The following SLC39A10 variants were observed in gnomAD, a reference collection of about 807,000 sequenced individuals.
The protein encoded by SLC39A10 is solute carrier family 39 member 10.
Under a neutral mutation model 65.1 loss-of-function variants are expected in SLC39A10, and 13 were observed. The ratio of observed to expected loss-of-function variants is 0.20; its 90% CI spans 0.13 to 0.32. The LOEUF (loss-of-function observed/expected upper bound fraction) is 0.32, where lower values mean the gene tolerates loss of function less well. SLC39A10 is among the 10% of genes least tolerant of loss of function. The pLI, the probability that SLC39A10 is intolerant of heterozygous loss-of-function variation, is 1.00. For synonymous variants in SLC39A10, 321 were observed against 342.2 expected, an observed-to-expected ratio of 0.94 and a Z score of 0.68; for missense variants, 831 against 1,018.4, an observed-to-expected ratio of 0.82 and a Z score of 2.50.
At chr2:195,617,884 T>C (rs957017331) in intron 2 of SLC39A10, among the ~76,000 whole-genome samples, 88 of 150,808 alleles carry the variant, frequency 5.8e-4, no homozygotes, top group African/African-American at 1.7e-3. Flanking sequence ...GGACCACAGG[T>C]GCCCGCCACC....
intron 3 of SLC39A10, among the ~76,000 whole-genome samples, chr2:195,684,942 C>G (rs550657526): frequency 1.3e-5 from 2 of 152,232 alleles, no homozygotes; most frequent in South Asian, 4.1e-4. Flanking sequence ...AGACACTGTT[C>G]TAAGCTGAAT....
intron 3 of SLC39A10, among the ~76,000 whole-genome samples, chr2:195,684,683 C>T (rs1690457524): frequency 6.6e-6 from 1 of 151,900 alleles, no homozygotes; most frequent in African/African-American, 2.4e-5. Flanking sequence ...GCTATCTCTT[C>T]AGTATCTTCT....
chr2:195,634,384 T>G (rs1159878964), intron 2 of SLC39A10, among the ~76,000 whole-genome samples: 2 of 152,190 alleles, frequency 1.3e-5, no homozygotes, highest in Non-Finnish European at 2.9e-5. Flanking sequence ...AGTGTTCTCA[T>G]TATGTTTTTA....
At chr2:195,615,301 G>C (rs183165791) in intron 2 of SLC39A10, among the ~76,000 whole-genome samples, 40 of 152,310 alleles carry the variant, frequency 2.6e-4, no homozygotes, top group African/African-American at 9.1e-4. Context: ...TGAAGATGTT[G>C]CTGGTCCACA....
chr2:195,713,370 T>G, intron 5 of SLC39A10, 63 bp from the exon 6 acceptor site: 2 of 1,325,926 alleles, frequency 1.5e-6, no homozygotes, highest in South Asian at 1.7e-5. Context: ...GAGTCAATAT[T>G]GTTGCTAATT....
At chr2:195,625,222 A>AAAGAAATAAAG (rs1688443563) in intron 2 of SLC39A10, among the ~76,000 whole-genome samples, 1 of 112,184 alleles carries the variant, frequency 8.9e-6, no homozygotes, top group Non-Finnish European at 1.9e-5. Flanking sequence ...GTCTCAAAAA[A>AAAGAAATAAAG]AAAGAAAGAA....
At chr2:195,617,413 T>A (rs1688238915) in intron 2 of SLC39A10, among the ~76,000 whole-genome samples, 1 of 151,594 alleles carries the variant, frequency 6.6e-6, no homozygotes, top group Non-Finnish European at 1.5e-5. Flanking sequence ...ACAGAAAAAA[T>A]TAGCCGGGTG....
Position 195,657,281 on chromosome 2 carries a change from G to A in SLC39A10, c.-12G>A. On this transcript the variant is annotated splice_region_variant and 5_prime_UTR_variant, in exon 1 of 10. Coordinates refer to ENST00000359634, the MANE Select transcript of SLC39A10 (RefSeq NM_020342.3). ...AGATGCACACGGCACTCGAGTGTGA[G>A]GTAACTATAAAACCCCGATTTGTTT... The A allele has an allele frequency of 1.7e-6, 1 of 579,378 alleles. No individual in the cohort carries two copies. The allele number at this position is 579,378 out of a possible 1,614,324, so 35.9% of individuals were successfully genotyped here. A position where few individuals can be genotyped will look rare whatever the true frequency, so the allele number is the denominator to read the frequency against.
intron 2 of SLC39A10, among the ~76,000 whole-genome samples, 176 bp downstream of exon 2, chr2:195,681,226 AG>A (rs1487650832): frequency 5.3e-5 from 8 of 152,180 alleles, no homozygotes; most frequent in African/African-American, 1.9e-4. Context: ...AATCAGAATC[AG>A]TGTAAAGATT....
intron 1 of SLC39A10, among the ~76,000 whole-genome samples, chr2:195,665,683 C>T (rs1201964984): frequency 1.3e-5 from 2 of 151,898 alleles, no homozygotes; most frequent in East Asian, 1.9e-4. Context: ...AAATCAGTCC[C>T]CTGTCTGTTC....
At position 195,680,302 on chromosome 2, in the gene SLC39A10, C is replaced by T; in HGVS notation, c.260C>T (p.Thr87Ile). The T allele has an allele frequency of 6.2e-7, 1 of 1,613,978 alleles. No homozygotes were observed. The highest frequency in any genetic ancestry group is 1.1e-5 in the South Asian group (1 of 91,030). Residue 87 changes from threonine (T) to isoleucine (I), a missense_variant, in exon 2 of 10, where the codon ACA becomes ATA. Thr to Ile is a moderately conservative substitution (Grantham distance 89, BLOSUM62 -1). Around this residue, in one of 4 missense-constraint regions of SLC39A10, gnomAD observed 446 missense variants for 499.2 expected, o/e 0.89. Coordinates refer to ENST00000359634, the MANE Select transcript of SLC39A10 (RefSeq NM_020342.3). ...LSFFGLEKLL[T>I]NLGLGERKVV... Reference sequence around the variant, plus strand: ...TTTTTTGGTTTGGAGAAACTTTTAACAAACTTGGGCCTTGGAGAGAGAAAA... The same window carrying T: ...TTTTTTGGTTTGGAGAAACTTTTAATAAACTTGGGCCTTGGAGAGAGAAAA...
At chr2:195,670,525 T>C (rs1171476731) in intron 1 of SLC39A10, 1 of 152,250 alleles carries the variant, frequency 6.6e-6, no homozygotes. Flanking sequence ...CTCTTAAGTA[T>C]AACCATGTAT....
chr2:195,660,180 A>G (rs530082133), intron 1 of SLC39A10, among the ~76,000 whole-genome samples: 14 of 152,316 alleles, frequency 9.2e-5, no homozygotes, highest in Non-Finnish European at 1.5e-4. Flanking sequence ...CATTATGGTT[A>G]GGCTAAAAAT....
chr2:195,633,293 G>A (rs1416174540), intron 2 of SLC39A10, among the ~76,000 whole-genome samples: 2 of 152,252 alleles, frequency 1.3e-5, no homozygotes, highest in Non-Finnish European at 2.9e-5. Context: ...TCAACCCCTC[G>A]TGGGAGGGAG....
intron 3 of SLC39A10, among the ~76,000 whole-genome samples, chr2:195,685,851 A>G (rs923991017): frequency 1.3e-5 from 2 of 152,214 alleles, no homozygotes; most frequent in African/African-American, 2.4e-5. Context: ...AATGAATACA[A>G]TTGCTTAATA....
chr2:195,732,628 TA>T (rs1692464815), intron 9 of SLC39A10, among the ~76,000 whole-genome samples: 1 of 152,174 alleles, frequency 6.6e-6, no homozygotes, highest in African/African-American at 2.4e-5. Flanking sequence ...AGGAAAGTCA[TA>T]ATGAAAAATC....
At chr2:195,733,954 TG>T (rs1431039711) in intron 9 of SLC39A10, among the ~76,000 whole-genome samples, 1 of 152,146 alleles carries the variant, frequency 6.6e-6, no homozygotes, top group African/African-American at 2.4e-5. Flanking sequence ...CTAGTTATGC[TG>T]GATAGCTCTG....
intron 1 of SLC39A10, among the ~76,000 whole-genome samples, chr2:195,667,567 C>G (rs1355657102): frequency 6.6e-6 from 1 of 152,132 alleles, no homozygotes. Flanking sequence ...TCCTCCCCCT[C>G]CACCATACTT....
intron 8 of SLC39A10, among the ~76,000 whole-genome samples, chr2:195,723,832 C>A (rs1288383764): frequency 1.3e-5 from 2 of 151,970 alleles, no homozygotes; most frequent in Non-Finnish European, 2.9e-5. Flanking sequence ...ACCAGGGTGA[C>A]CAGTCATACC....
Sources: allele counts gnomAD v4.1 joint callset (sites outside exome capture counted in the v4.1 genomes callset), GRCh38; gene constraint gnomAD v4.1.1; regional missense constraint gnomAD v4.1.1; transcripts MANE v1.5; gene names NCBI Gene and HGNC (gene_info 2026-07-23, HGNC 2026-07-21).